Variants in ITK observed in about 807,000 individuals in gnomAD.
ITK encodes the protein tyrosine-protein kinase ITK/TSK.
A neutral mutation model predicts 87.6 loss-of-function variants in ITK; 45 were observed. The observed-to-expected ratio is 0.51, with a 90% CI of 0.40 to 0.66. ITK has a LOEUF of 0.66. Among genes scored for constraint, ITK ranks in the 30% least tolerant of loss-of-function variants. The pLI, the probability that ITK is intolerant of heterozygous loss-of-function variation, is 0.00. For synonymous variants in ITK, 303 were observed against 273.6 expected (o/e 1.11, Z -1.06); for missense variants, 605 against 766.3 (o/e 0.79, Z 2.48).
In ITK at chr5:157,180,892, A is replaced by G; in HGVS notation, c.-86A>G. On this transcript the variant is annotated 5_prime_UTR_variant, in exon 1 of 17. Transcript: ENST00000422843. ...AGCTCTCTGAAGATCAACTGCCTCC[A>G]CATTGCATTCTTTGCCCCAAAACTC... 3 of 1,346,494 alleles carry G rather than the reference A, an allele frequency of 2.2e-6. No individual in the cohort carries two copies. The highest frequency in any genetic ancestry group is 1.1e-6 in the Non-Finnish European group (1 of 941,322). 83.4% of individuals were successfully genotyped at this position (1,346,494 alleles called of 1,614,324 possible).
rs577419655 is a variant in ITK at position 157,196,731 on chromosome 5, A to C, written c.139-12158A>C. Among the ~76,000 whole-genome samples, 230 of 152,342 alleles carry C rather than the reference A, an allele frequency of 1.5e-3. 1 individual carries two copies. The highest frequency in any genetic ancestry group is 4.6e-3 in the African/African-American group (192 of 41,590). On this transcript the variant is annotated intron_variant, in intron 1 of 16. Transcript: ENST00000422843. Reference sequence around the variant, plus strand: ...ACAGATATTAATTGAACATCGCCTCAGTGCAAGCAGTTATTTCCTGAAATG... The same window carrying C: ...ACAGATATTAATTGAACATCGCCTCCGTGCAAGCAGTTATTTCCTGAAATG...
chr5:157,232,363 G>C lies in ITK; in HGVS notation c.737G>C (p.Arg246Pro). 6.2e-7 allele frequency: 1 copy of C among 1,611,650 alleles called. No individual in the cohort carries two copies. The highest frequency in any genetic ancestry group is 8.5e-7 in the Non-Finnish European group (1 of 1,178,118). ...TYEWYNKSIS[R>P]DKAEKLLLDT... ...AGGTGGTACAATAAGAGTATCAGCC[G>C]AGACAAAGCTGAAAAACTTCTTTTG... Residue 246 changes from arginine (R) to proline (P), a missense_variant, in exon 8 of 17, where the codon CGA becomes CCA. Physicochemically the swap from Arg to Pro is moderately radical, Grantham distance 103. Around this residue, in one of 3 missense-constraint regions of ITK, gnomAD observed 464 missense variants for 578.0 expected, o/e 0.80. Transcript: ENST00000422843.
At chr5:157,235,942 T>C (rs1480560692) in intron 8 of ITK, among the ~76,000 whole-genome samples, 2 of 152,312 alleles carry the variant, frequency 1.3e-5, no homozygotes, top group African/African-American at 4.8e-5. Flanking sequence ...TAATGGCCAA[T>C]AATACTCTAA....
intron 1 of ITK, among the ~76,000 whole-genome samples, chr5:157,189,789 A>G (rs986468365): frequency 2.0e-5 from 3 of 152,266 alleles, no homozygotes; most frequent in Non-Finnish European, 4.4e-5. Context: ...ACAAAAAACT[A>G]TTTTAAAGCT....
rs1754962566 is a variant in ITK at position 157,243,795 on chromosome 5, G to A, written c.1232+1G>A. 6.2e-7 allele frequency: 1 copy of A among 1,613,820 alleles called. No homozygotes were observed. Among genetic ancestry groups the A allele is most frequent in the Non-Finnish European group, 8.5e-7 (1 of 1,179,708 alleles). ...TCATAGAGGAGGCTGAAGTAATGAT[G>A]TGAGTGCTCAGAACAAGGATATGCA... is the stretch of plus-strand genomic sequence containing the variant. On this transcript the variant is annotated splice_donor_variant, in intron 12 of 16. Coordinates refer to ENST00000422843, the MANE Select transcript of ITK (RefSeq NM_005546.4). LOFTEE classifies it high-confidence loss of function.
intron 2 of ITK, among the ~76,000 whole-genome samples, chr5:157,210,487 G>C (rs1168429769): frequency 2.0e-5 from 3 of 151,160 alleles, no homozygotes; most frequent in Non-Finnish European, 4.4e-5. Context: ...ATATAAAGAA[G>C]ACTGCAGTTT....
At position 157,181,015 on chromosome 5, in the gene ITK, A is replaced by G. The variant is rs1753501943; in HGVS notation, c.38A>G (p.Lys13Arg). 2.5e-6 allele frequency: 4 copies of G among 1,614,066 alleles called. No homozygotes were observed. The highest frequency in any genetic ancestry group is 3.4e-6 in the Non-Finnish European group (4 of 1,179,884). Residue 13 changes from lysine to arginine, a missense_variant, in exon 1 of 17, where the codon AAG (lysine) becomes AGG (arginine). Physicochemically the swap from Lys to Arg is conservative, Grantham distance 26. Around this residue, in one of 3 missense-constraint regions of ITK, gnomAD observed 464 missense variants for 578.0 expected, o/e 0.80. Transcript: ENST00000422843. ...ATCCTCCTGGAAGAACAGCTCATCA[A>G]GAAATCCCAACAAAAGAGAAGAACT... ...NFILLEEQLI[K>R]KSQQKRRTSP...
rs530893832 is a variant in ITK, at chr5:157,207,530, G to A, written c.139-1359G>A. ...AGAGTAGCTGGGATTATAGGCGCCC[G>A]CCACCACACCTGGCTAATTTTTGTA... On this transcript the variant is annotated intron_variant, in intron 1 of 16. Coordinates refer to ENST00000422843, the MANE Select transcript of ITK (RefSeq NM_005546.4). Among the ~76,000 whole-genome samples, 948 of 151,670 alleles carry A rather than the reference G, an allele frequency of 6.3e-3. 13 individuals are homozygous for A. Among genetic ancestry groups the A allele is most frequent in the African/African-American group, 0.022 (890 of 41,334 alleles).
chr5:157,220,404 G>A lies in ITK; in HGVS notation c.496-2459G>A, dbSNP rs529123158. On this transcript the variant is annotated intron_variant, in intron 5 of 16. Coordinates refer to ENST00000422843, the MANE Select transcript of ITK (RefSeq NM_005546.4). ...CTTACAGTCCCTCCCAGTCAACCCAGGGCTTGCTGAGGGGCCACTAGAATG... is the reference window on the plus strand; with the variant it reads ...CTTACAGTCCCTCCCAGTCAACCCAAGGCTTGCTGAGGGGCCACTAGAATG... Among the ~76,000 whole-genome samples the A allele has an allele frequency of 3.3e-5, 5 of 152,270 alleles. No individual in the cohort carries two copies. The South Asian group carries it at 8.3e-4, about 25-fold the overall frequency.
chr5:157,201,831 A>G (rs1753982359), intron 1 of ITK, among the ~76,000 whole-genome samples: 1 of 152,180 alleles, frequency 6.6e-6, no homozygotes, highest in African/African-American at 2.4e-5. Flanking sequence ...AGATCAACAT[A>G]CAAATTAATT....
chr5:157,234,709 G>C (rs375917884), intron 8 of ITK, among the ~76,000 whole-genome samples: 1 of 152,142 alleles, frequency 6.6e-6, no homozygotes, highest in East Asian at 1.9e-4. Context: ...ACTCATAAGT[G>C]GGAGATGAAC....
chr5:157,250,229 C>T (rs1365647036), intron 16 of ITK, among the ~76,000 whole-genome samples: 1 of 152,220 alleles, frequency 6.6e-6, no homozygotes, highest in Non-Finnish European at 1.5e-5. Flanking sequence ...TCCCTCTCCT[C>T]ATCCCCAAAC....
rs1336677767 is a variant in ITK, at chr5:157,253,439, G to A, written c.*761G>A. ...CCAGAACAAGAGAACCTCTGACGGT[G>A]GAGAACCATGTGGTGCAAGAAGAGA... is the stretch of plus-strand genomic sequence containing the variant. On this transcript the variant is annotated 3_prime_UTR_variant, in exon 17 of 17. Transcript: ENST00000422843. The A allele has an allele frequency of 4.4e-6, 1 of 225,834 alleles. No individual in the cohort carries two copies. The highest frequency in any genetic ancestry group is 5.7e-5 in the Admixed American group (1 of 17,646). 14.0% of individuals were successfully genotyped at this position (225,834 alleles called of 1,614,324 possible).
intron 1 of ITK, among the ~76,000 whole-genome samples, chr5:157,190,870 A>T (rs1033844664): frequency 6.6e-6 from 1 of 152,218 alleles, no homozygotes. Flanking sequence ...CAGAAGCCAA[A>T]CTCTGCAGGC....
chr5:157,218,661 T>C (rs1187556921), intron 5 of ITK, among the ~76,000 whole-genome samples: 2 of 152,192 alleles, frequency 1.3e-5, no homozygotes, highest in Admixed American at 6.5e-5. Context: ...TTCAGAGGGT[T>C]TTAGTTTTAT....
chr5:157,251,203 G>A (rs1755133425), intron 16 of ITK, among the ~76,000 whole-genome samples: 1 of 152,200 alleles, frequency 6.6e-6, no homozygotes, highest in Admixed American at 6.5e-5. Flanking sequence ...TCTAATAGAT[G>A]TGTAGTCATA....
intron 12 of ITK, 46 bp downstream of exon 12, chr5:157,243,840 C>T (rs1430152744): frequency 1.2e-5 from 19 of 1,570,592 alleles, no homozygotes; most frequent in East Asian, 2.2e-5. Context: ...GGGGGAACAT[C>T]GGTTCAGTGT....
At chr5:157,237,129 A>C (rs1754792714) in intron 8 of ITK, among the ~76,000 whole-genome samples, 1 of 152,272 alleles carries the variant, frequency 6.6e-6, no homozygotes, top group Non-Finnish European at 1.5e-5. Context: ...AATAGCAAAG[A>C]CATGGAATCA....
chr5:157,229,614 A>G (rs1418420461), intron 7 of ITK, among the ~76,000 whole-genome samples: 2 of 152,232 alleles, frequency 1.3e-5, no homozygotes, highest in Non-Finnish European at 2.9e-5. Flanking sequence ...ATTGGTCCAC[A>G]TTAAAAAAGA....
Sources: gnomAD v4.1 joint callset for allele counts (sites outside exome capture counted in the v4.1 genomes callset) on GRCh38, gnomAD v4.1.1 for gene constraint, gnomAD v4.1.1 regional missense constraint, MANE v1.5 for transcripts, NCBI Gene and HGNC (gene_info 2026-07-23, HGNC 2026-07-21) for gene names.